Variants in PDZD2 observed in about 807,000 individuals in gnomAD.
PDZD2 encodes the protein PDZ domain containing 2.
In PDZD2, 90 loss-of-function variants were observed where a neutral mutation model predicts 220.7. That is an observed-to-expected ratio of 0.41 (90% CI 0.34 to 0.49). The LOEUF (loss-of-function observed/expected upper bound fraction) is 0.49, where lower values mean the gene tolerates loss of function less well. Among genes scored for constraint, PDZD2 ranks in the 20% least tolerant of loss-of-function variants. The probability of loss-of-function intolerance (pLI) is 0.28; values close to 1 mark genes in which losing one functional copy is unlikely to be tolerated. For synonymous variants in PDZD2, 1,375 were observed against 1,450.5 expected (o/e 0.95, Z 1.18); for missense variants, 3,174 against 3,608.5 (o/e 0.88, Z 3.08).
chr5:31,932,779 C>T (rs1745407190), intron 2 of PDZD2, among the ~76,000 whole-genome samples: 1 of 152,180 alleles, frequency 6.6e-6, no homozygotes, highest in Non-Finnish European at 1.5e-5. Context: ...CTCCTCTCCC[C>T]AGCCCCTGGC....
chr5:31,893,570 AAAAC>A (rs1357784277), intron 2 of PDZD2, among the ~76,000 whole-genome samples: 3 of 117,760 alleles, frequency 2.5e-5, no homozygotes, highest in African/African-American at 6.9e-5. Flanking sequence ...ACTCTGTCTC[AAAAC>A]AAACAAAAAG....
rs112178022 is a variant in PDZD2, at chr5:32,066,600, G to A, written c.2452-2969G>A. 3.4e-3 allele frequency among the ~76,000 whole-genome samples: 512 copies of A among 152,218 alleles called. 5 individuals carry two copies. The highest frequency in any genetic ancestry group is 0.02 in the Middle Eastern group (6 of 294). On this transcript the variant is annotated intron_variant, in intron 14 of 24. Coordinates refer to ENST00000438447, the MANE Select transcript of PDZD2 (RefSeq NM_178140.4). ...ACCCACATCACCTCCTTTCACCTCGGGAAGCAGTCCAGTAACCTCTGGCTG... is the reference window on the plus strand; with the variant it reads ...ACCCACATCACCTCCTTTCACCTCGAGAAGCAGTCCAGTAACCTCTGGCTG...
At chr5:31,652,866 G>A (rs1745404242) in intron 1 of PDZD2, among the ~76,000 whole-genome samples, 2 of 152,176 alleles carry the variant, frequency 1.3e-5, no homozygotes, top group Non-Finnish European at 2.9e-5. Context: ...CAGAAAAGTA[G>A]CTGGGCATGG....
At chr5:31,989,426 T>TTTTTTTTTTTTTTTTTTTTTTTATTTA (rs1561277958) in intron 3 of PDZD2, among the ~76,000 whole-genome samples, 3 of 146,388 alleles carry the variant, frequency 2.0e-5, no homozygotes, top group Admixed American at 6.7e-5. Context: ...CTTTTCTTTT[T>TTTTTTTTTTTTTTTTTTTTTTTATTTA]TTTTTTTTTT....
chr5:31,755,317 G>T (rs551872375), intron 1 of PDZD2, among the ~76,000 whole-genome samples: 1 of 152,264 alleles, frequency 6.6e-6, no homozygotes, highest in South Asian at 2.1e-4. Flanking sequence ...AATGGGTAGG[G>T]GTAAAAACAG....
chr5:31,878,538 T>C (rs961455158), intron 2 of PDZD2, among the ~76,000 whole-genome samples: 2 of 138,186 alleles, frequency 1.4e-5, no homozygotes, highest in Non-Finnish European at 3.1e-5. Context: ...TTTTCTTTGG[T>C]GGTCAGATGA....
intron 2 of PDZD2, among the ~76,000 whole-genome samples, chr5:31,873,587 G>A (rs1739031248): frequency 7.2e-6 from 1 of 139,438 alleles, no homozygotes; most frequent in South Asian, 2.4e-4. Flanking sequence ...ATTTAATAAA[G>A]CCAGGGTCTT....
At chr5:32,066,160 T>C (rs283127) in intron 14 of PDZD2, among the ~76,000 whole-genome samples, 34,698 of 151,318 alleles carry the variant, frequency 0.23, 4,263 homozygotes, top group East Asian at 0.37. Context: ...CAGACCAACA[T>C]GGTGAAACCC....
intron 3 of PDZD2, among the ~76,000 whole-genome samples, chr5:31,989,421 C>CTTTTTTTTTT (rs869045113): frequency 7.5e-5 from 9 of 119,904 alleles, no homozygotes; most frequent in East Asian, 2.6e-4. Context: ...ATTTTCTTTT[C>CTTTTTTTTTT]TTTTTTTTTT....
At chr5:32,067,355 T>C (rs1740308033) in intron 14 of PDZD2, among the ~76,000 whole-genome samples, 1 of 151,532 alleles carries the variant, frequency 6.6e-6, no homozygotes. Context: ...GAAAGTCTAG[T>C]ATTAAGAAAA....
intron 1 of PDZD2, among the ~76,000 whole-genome samples, chr5:31,669,401 CAAAAAAAAAAAA>C (rs34910299): frequency 5.5e-5 from 6 of 109,656 alleles, no homozygotes; most frequent in African/African-American, 2.2e-4. Flanking sequence ...GACCCTGTCT[CAAAAAAAAAAAA>C]AAAAAAAAAA....
rs751179365 is a variant in PDZD2 at position 32,088,214 on chromosome 5, A to C, written c.4766A>C (p.Glu1589Ala). ...PPRSRVSLHK[E>A]DPSESEEEQI... ...CGTTCCCGTGTGTCTTTGCACAAGG[A>C]AGATCCTTCGGAGTCAGAAGAGGAA... is the stretch of plus-strand genomic sequence containing the variant. Residue 1589 changes from glutamate (E) to alanine (A), a missense_variant, in exon 20 of 25, where the codon GAA (glutamate) becomes GCA (alanine). Glu to Ala is a moderately radical substitution (Grantham distance 107). Transcript: ENST00000438447. The surrounding 1 kb of genome is among the most constrained non-coding windows in gnomAD (Gnocchi z 4.6). The C allele has an allele frequency of 6.2e-7, 1 of 1,614,174 alleles. No individual in the cohort carries two copies. Among genetic ancestry groups the C allele is most frequent in the African/African-American group, 1.3e-5 (1 of 75,052 alleles).
intron 2 of PDZD2, among the ~76,000 whole-genome samples, chr5:31,903,348 G>T (rs1742283342): frequency 6.6e-6 from 1 of 151,676 alleles, no homozygotes; most frequent in Non-Finnish European, 1.5e-5. Flanking sequence ...TAATCTAGGG[G>T]TAGAAAGAAT....
At chr5:31,971,787 A>T (rs1321599009) in intron 2 of PDZD2, among the ~76,000 whole-genome samples, 1 of 152,074 alleles carries the variant, frequency 6.6e-6, no homozygotes, top group African/African-American at 2.4e-5. Flanking sequence ...CCATTTGCAC[A>T]AAGGTCTTTA....
intron 1 of PDZD2, among the ~76,000 whole-genome samples, chr5:31,755,258 A>G (rs1207094894): frequency 6.6e-6 from 1 of 152,066 alleles, no homozygotes; most frequent in African/African-American, 2.4e-5. Flanking sequence ...CTGTTTCTGG[A>G]TGTTTTTTTG....
chr5:31,844,800 T>C (rs1022754999), intron 2 of PDZD2, among the ~76,000 whole-genome samples: 2 of 152,142 alleles, frequency 1.3e-5, no homozygotes, highest in Middle Eastern at 3.2e-3. Context: ...CACTCACTAT[T>C]ATAAAACCAT....
rs552549492 is a variant in PDZD2, at chr5:31,785,607, A to AT, written c.-360-13277dup. ...AGGTGTGCAGCACCAGACCCAGCTA[A>AT]TTTTTCAATCTTTTCTAGACACAGG... On this transcript the variant is annotated intron_variant, in intron 1 of 24. Transcript: ENST00000438447. Among the ~76,000 whole-genome samples the AT allele has an allele frequency of 7.3e-5, 11 of 151,684 alleles. No homozygotes were observed. The South Asian group carries it at 2.3e-3, about 32-fold the overall frequency.
chr5:31,972,536 A>G lies in PDZD2; in HGVS notation c.477-10619A>G, dbSNP rs552120578. 2.0e-5 allele frequency among the ~76,000 whole-genome samples: 3 copies of G among 152,336 alleles called. No homozygotes were observed. The East Asian group carries it at 5.8e-4, about 29-fold the overall frequency. On this transcript the variant is annotated intron_variant, in intron 2 of 24. Transcript: ENST00000438447. Reference sequence around the variant, plus strand: ...ACTAGATTGTAAGCTCCACAAAGACAGGAATCTTGGTTCACTTCTGTGTCC... The same window carrying G: ...ACTAGATTGTAAGCTCCACAAAGACGGGAATCTTGGTTCACTTCTGTGTCC...
chr5:31,848,601 C>A (rs1757731193), intron 2 of PDZD2, among the ~76,000 whole-genome samples: 1 of 121,666 alleles, frequency 8.2e-6, no homozygotes, highest in Admixed American at 8.2e-5. Context: ...ATACAAAAAC[C>A]AGCCAGGTGT....
Sources: gnomAD v4.1 joint callset for allele counts (sites outside exome capture counted in the v4.1 genomes callset) on GRCh38, gnomAD v4.1.1 for gene constraint, Gnocchi (gnomAD v3.1) non-coding constraint, MANE v1.5 for transcripts, NCBI Gene and HGNC (gene_info 2026-07-23, HGNC 2026-07-21) for gene names.